Variants in NME7 observed in about 807,000 individuals in gnomAD.
The protein encoded by NME7 is NME/NM23 family member 7.
Under a neutral mutation model 49.1 loss-of-function variants are expected in NME7, and 41 were observed. The ratio of observed to expected loss-of-function variants is 0.83; its 90% confidence interval spans 0.65 to 1.08. The LOEUF is 1.08. Ranked by LOEUF, NME7 falls within the 50% of genes least tolerant of loss-of-function variation. The pLI, the probability that NME7 is intolerant of heterozygous loss-of-function variation, is 0.00. For synonymous variants in NME7, 139 were observed against 150.6 expected (o/e 0.92, Z 0.56); for missense variants, 423 against 463.4 (o/e 0.91, Z 0.80).
At chr1:169,336,542 C>T (rs549697868) in intron 1 of NME7, among the ~76,000 whole-genome samples, 10 of 152,304 alleles carry the variant, frequency 6.6e-5, no homozygotes, top group African/African-American at 2.4e-4. Flanking sequence ...TTCTCCAAGT[C>T]CCCACCAGAG....
chr1:169,251,910 A>C (rs1454066860), intron 7 of NME7, among the ~76,000 whole-genome samples: 1 of 150,862 alleles, frequency 6.6e-6, no homozygotes, highest in Non-Finnish European at 1.5e-5. Context: ...TTATGGCTGC[A>C]TAGTATTCCA....
chr1:169,253,079 A>G (rs374690215), intron 7 of NME7, among the ~76,000 whole-genome samples: 2 of 151,706 alleles, frequency 1.3e-5, no homozygotes, highest in African/African-American at 2.4e-5. Context: ...TTTAAAGTAG[A>G]TTTTTCCAAT....
rs972037082 is a variant in NME7 at position 169,212,560 on chromosome 1, T to C, written c.990+18158A>G. On this transcript the variant is annotated intron_variant, in intron 10 of 11. Transcript: ENST00000367811. The stretch of plus-strand genomic sequence containing the variant: ...AACAAGGTGACACTCTCTGCCTTCT[T>C]ATTTTAACTCTCACACTTCACACTT... Among the ~76,000 whole-genome samples, 5 of 151,880 alleles carry C rather than the reference T, an allele frequency of 3.3e-5. No homozygotes were observed. The East Asian group carries it at 5.8e-4, about 18-fold the overall frequency.
chr1:169,215,844 G>A (rs1660959052), intron 10 of NME7, among the ~76,000 whole-genome samples: 1 of 152,214 alleles, frequency 6.6e-6, no homozygotes, highest in African/African-American at 2.4e-5. Context: ...AGTGAAATAA[G>A]TCAGAGAAAG....
At chr1:169,279,099 G>A (rs1197014496) in intron 7 of NME7, among the ~76,000 whole-genome samples, 1 of 152,178 alleles carries the variant, frequency 6.6e-6, no homozygotes, top group Non-Finnish European at 1.5e-5. Context: ...CCCCTCCTGT[G>A]GGGGTGCCTC....
chr1:169,231,722 T>C (rs1647628193), intron 9 of NME7, among the ~76,000 whole-genome samples: 1 of 152,112 alleles, frequency 6.6e-6, no homozygotes, highest in African/African-American at 2.4e-5. Flanking sequence ...ATATGATATA[T>C]GGAGCATCAA....
At chr1:169,237,593 AAAT>A (rs1647910288) in intron 8 of NME7, 27 bp downstream of exon 8, 1 of 1,545,988 alleles carries the variant, frequency 6.5e-7, no homozygotes, top group Admixed American at 1.7e-5. Context: ...AAATCCTCAC[AAAT>A]ATTATGGTTC....
intron 7 of NME7, chr1:169,284,598 T>G (rs905031823): frequency 6.6e-6 from 1 of 152,180 alleles, no homozygotes; most frequent in African/African-American, 2.4e-5. Flanking sequence ...TTAGATCCAA[T>G]CTGGCAATTT....
intron 10 of NME7, among the ~76,000 whole-genome samples, chr1:169,178,756 C>T (rs1048748136): frequency 2.6e-5 from 4 of 151,600 alleles, no homozygotes; most frequent in South Asian, 4.2e-4. Context: ...AGCTTTACTG[C>T]TCTATTGAAA....
intron 10 of NME7, among the ~76,000 whole-genome samples, chr1:169,185,642 C>A (rs1660043883): frequency 6.6e-6 from 1 of 152,132 alleles, no homozygotes; most frequent in African/African-American, 2.4e-5. Flanking sequence ...AGTTAATAAA[C>A]CTCTGTGCTA....
intron 3 of NME7, among the ~76,000 whole-genome samples, chr1:169,314,289 A>G (rs369422129): frequency 6.6e-6 from 1 of 152,182 alleles, no homozygotes; most frequent in East Asian, 1.9e-4. Flanking sequence ...CAACAAAAAC[A>G]GCATATAATT....
intron 7 of NME7, among the ~76,000 whole-genome samples, chr1:169,275,661 A>C (rs1354767444): frequency 1.5e-5 from 2 of 129,180 alleles, no homozygotes; most frequent in Non-Finnish European, 3.6e-5. Context: ...TCTTTCCCTA[A>C]TTGAATACCC....
chr1:169,311,335 T>C (rs969431662), intron 3 of NME7, among the ~76,000 whole-genome samples: 1 of 145,366 alleles, frequency 6.9e-6, no homozygotes, highest in Non-Finnish European at 1.5e-5. Flanking sequence ...AGGAGAATGA[T>C]GTGAACCCGG....
chr1:169,260,743 T>C (rs1419358009), intron 7 of NME7, among the ~76,000 whole-genome samples: 2 of 132,982 alleles, frequency 1.5e-5, no homozygotes, highest in East Asian at 2.0e-4. Context: ...AGCAGAGGAG[T>C]GGGCACATTC....
chr1:169,209,359 C>T (rs766594883), intron 10 of NME7, among the ~76,000 whole-genome samples: 2 of 151,990 alleles, frequency 1.3e-5, no homozygotes, highest in African/African-American at 4.8e-5. Context: ...TCCAGAGAAA[C>T]ATTGAAACAA....
intron 7 of NME7, among the ~76,000 whole-genome samples, chr1:169,248,165 T>A (rs1241405867): frequency 6.6e-6 from 1 of 152,206 alleles, no homozygotes; most frequent in Non-Finnish European, 1.5e-5. Context: ...GACTTTTTAA[T>A]AATGGCTATT....
At chr1:169,348,864 T>C (rs1352061129) in intron 1 of NME7, among the ~76,000 whole-genome samples, 1 of 146,452 alleles carries the variant, frequency 6.8e-6, no homozygotes, top group South Asian at 2.2e-4. Context: ...TAAATTTCTA[T>C]AGCTACATAA....
chr1:169,241,403 T>G (rs912718994), intron 7 of NME7, among the ~76,000 whole-genome samples: 1 of 152,032 alleles, frequency 6.6e-6, no homozygotes, highest in Non-Finnish European at 1.5e-5. Flanking sequence ...CAATTAAGTA[T>G]GAAATCAGCT....
intron 11 of NME7, among the ~76,000 whole-genome samples, chr1:169,142,760 A>G (rs1375341454): frequency 6.6e-6 from 1 of 152,192 alleles, no homozygotes; most frequent in Non-Finnish European, 1.5e-5. Context: ...TAGTGCAGGA[A>G]AGGGGTTTAG....
Sources: gnomAD v4.1 joint callset for allele counts (sites outside exome capture counted in the v4.1 genomes callset) on GRCh38, gnomAD v4.1.1 for gene constraint, MANE v1.5 for transcripts, NCBI Gene and HGNC (gene_info 2026-07-23, HGNC 2026-07-21) for gene names.